Variants in RAP1GAP observed in about 807,000 individuals in gnomAD.
RAP1GAP encodes the protein rap1 GTPase-activating protein 1.
In RAP1GAP, 35 loss-of-function variants were observed where a neutral mutation model predicts 87.2. The ratio of observed to expected loss-of-function variants is 0.40; its 90% confidence interval spans 0.31 to 0.53. The LOEUF is 0.53. RAP1GAP is among the 20% of genes least tolerant of loss of function. The pLI is 0.48. For missense variants in RAP1GAP, 734 were observed against 898.9 expected, an observed-to-expected ratio of 0.82 and a Z score of 2.35; for synonymous variants, 375 against 363.9, an observed-to-expected ratio of 1.03 and a Z score of -0.35.
At chr1:21,600,757 C>T (rs1325572321) in intron 20 of RAP1GAP, among the ~76,000 whole-genome samples, 2 of 151,786 alleles carry the variant, frequency 1.3e-5, no homozygotes, top group African/African-American at 2.4e-5. Flanking sequence ...TGGTGGCGGG[C>T]ACCTGTAGTC....
chr1:21,665,591 G>T (rs1240651454), intron 1 of RAP1GAP, among the ~76,000 whole-genome samples: 14 of 152,200 alleles, frequency 9.2e-5, no homozygotes, highest in Admixed American at 9.2e-4. Flanking sequence ...CTGTTTTGGG[G>T]TGTCTCCCCA....
Position 21,613,351 on chromosome 1 carries a change from C to T in RAP1GAP, c.475-122G>A, listed in dbSNP as rs2079660632. On this transcript the variant is annotated intron_variant, in intron 9 of 24. Coordinates refer to ENST00000374765, the MANE Select transcript of RAP1GAP (RefSeq NM_002885.4). The surrounding 1 kb of genome is among the most constrained non-coding windows in gnomAD (Gnocchi z 4.7). ...ATGCTGGGAATGGCCAAGGCTAAAG[C>T]AGGACTCGGGGTTCACTGTTGCTCA... The T allele has an allele frequency of 5.3e-6, 5 of 940,774 alleles. No homozygotes were observed. Among genetic ancestry groups the T allele is most frequent in the African/African-American group, 3.2e-5 (2 of 61,786 alleles). The allele number at this position is 940,774 out of a possible 1,614,324, so 58.3% of individuals were successfully genotyped here.
At chr1:21,614,408 A>C (rs1451340939) in intron 7 of RAP1GAP, among the ~76,000 whole-genome samples, 1 of 152,218 alleles carries the variant, frequency 6.6e-6, no homozygotes, top group Non-Finnish European at 1.5e-5. Flanking sequence ...GAAGGTGGGT[A>C]GTAACGCTGG....
chr1:21,651,706 G>T, intron 1 of RAP1GAP: 2 of 733,090 alleles, frequency 2.7e-6, no homozygotes, highest in Non-Finnish European at 4.4e-6. Flanking sequence ...AGCACACCCC[G>T]CACGGGCTCC....
Position 21,649,890 on chromosome 1 carries a change from C to A in RAP1GAP, c.-148-94G>T. The A allele has an allele frequency of 3.0e-6, 4 of 1,311,698 alleles. No homozygotes were observed. In the South Asian group the frequency reaches 3.8e-5, roughly 13 times the overall value. 81.3% of individuals were successfully genotyped at this position (1,311,698 alleles called of 1,614,324 possible). On this transcript the variant is annotated intron_variant, in intron 1 of 24. Transcript: ENST00000374765. ...CACCCACCTGCACTGCACCACCCTCCCAGAGGGGCTGGAGAAGGTCCTGTT... is the reference window on the plus strand; with the variant it reads ...CACCCACCTGCACTGCACCACCCTCACAGAGGGGCTGGAGAAGGTCCTGTT...
chr1:21,644,622 G>A (rs562822807), intron 2 of RAP1GAP, among the ~76,000 whole-genome samples: 1 of 152,232 alleles, frequency 6.6e-6, no homozygotes, highest in East Asian at 1.9e-4. Context: ...GGACCTGGCC[G>A]GGCGCGGTGG....
chr1:21,618,082 G>A, intron 5 of RAP1GAP, 110 bp from the exon 6 acceptor site: 1 of 1,301,706 alleles, frequency 7.7e-7, no homozygotes, highest in East Asian at 2.3e-5. Context: ...ATGGGGCCCT[G>A]GCCTCATCAC....
At chr1:21,647,705 C>T (rs1395611573) in intron 2 of RAP1GAP, among the ~76,000 whole-genome samples, 1 of 152,196 alleles carries the variant, frequency 6.6e-6, no homozygotes, top group Non-Finnish European at 1.5e-5. Context: ...AAGTCCACAC[C>T]TGCCATGCTC....
At chr1:21,640,629 C>G (rs1012839221) in intron 2 of RAP1GAP, among the ~76,000 whole-genome samples, 22 of 152,206 alleles carry the variant, frequency 1.4e-4, no homozygotes, top group African/African-American at 2.7e-4. Flanking sequence ...GGGGCCAGTG[C>G]CTAGGCTGGC....
At chr1:21,665,093 T>C (rs2097296132) in intron 1 of RAP1GAP, 4 of 331,718 alleles carry the variant, frequency 1.2e-5, no homozygotes, top group Non-Finnish European at 2.5e-5. Flanking sequence ...AGCTGGGCAC[T>C]GCCCTCAGTG....
Position 21,652,241 on chromosome 1 carries a change from A to G in RAP1GAP, c.-148-2445T>C, listed in dbSNP as rs781780137. On this transcript the variant is annotated intron_variant, in intron 1 of 24. Coordinates refer to ENST00000374765, the MANE Select transcript of RAP1GAP (RefSeq NM_002885.4). ...TCACGAGCTGGGAGCTCCCTCCCAG[A>G]AGCCTGGGTCTGCACGGCGGGCATG... Among the ~76,000 whole-genome samples the G allele has an allele frequency of 4.9e-4, 74 of 151,846 alleles. 1 individual carries two copies. Among genetic ancestry groups the G allele is most frequent in the Non-Finnish European group, 6.3e-4 (43 of 67,954 alleles).
At chr1:21,650,624 C>T (rs1365678467) in intron 1 of RAP1GAP, among the ~76,000 whole-genome samples, 4 of 152,220 alleles carry the variant, frequency 2.6e-5, no homozygotes, top group South Asian at 4.1e-4. Context: ...GGGCTGGGGG[C>T]TCCCAGGGAC....
chr1:21,660,352 T>TATATATATATATATATATA (rs1248298305), intron 1 of RAP1GAP, among the ~76,000 whole-genome samples: 20 of 85,922 alleles, frequency 2.3e-4, no homozygotes, highest in Middle Eastern at 5.3e-3. Context: ...TATATATTTA[T>TATATATATATATATATATA]TGAGACAGTC....
chr1:21,640,125 C>T (rs1471938989), intron 2 of RAP1GAP, among the ~76,000 whole-genome samples: 3 of 144,270 alleles, frequency 2.1e-5, no homozygotes, highest in African/African-American at 5.1e-5. Context: ...GACTCCTTTC[C>T]GCTCCTCAAA....
rs751196379 is a variant in RAP1GAP at position 21,612,094 on chromosome 1, C to T, written c.544G>A (p.Val182Ile). The T allele has an allele frequency of 1.0e-5, 16 of 1,552,520 alleles. No individual in the cohort carries two copies. Among genetic ancestry groups the T allele is most frequent in the Admixed American group, 2.0e-5 (1 of 51,142 alleles). Residue 182 changes from valine (V) to isoleucine (I), a missense_variant, in exon 11 of 25, where the codon GTC (valine) becomes ATC (isoleucine). Val to Ile is a conservative substitution (Grantham distance 29). Coordinates refer to ENST00000374765, the MANE Select transcript of RAP1GAP (RefSeq NM_002885.4). ...CTGATGACATGCTCGTCAAAGGTGA[C>T]GATGAGCCGGGAAGCCTGCAGGAGA... ...VLYPKASRLI[V>I]TFDEHVISNN...
intron 13 of RAP1GAP, 25 bp from the exon 14 acceptor site, chr1:21,610,300 G>A (rs374914370): frequency 2.3e-5 from 37 of 1,613,338 alleles, no homozygotes; most frequent in South Asian, 1.9e-4. Flanking sequence ...ACGGGCCTTC[G>A]TGGTCTGGCC....
rs2096408772 is a variant in RAP1GAP, at chr1:21,649,793, C to T, written c.-145G>A. 6.4e-7 allele frequency: 1 copy of T among 1,552,164 alleles called. No homozygotes were observed. Among genetic ancestry groups the T allele is most frequent in the South Asian group, 1.2e-5 (1 of 84,060 alleles). On this transcript the variant is annotated 5_prime_UTR_variant, in exon 2 of 25. Transcript: ENST00000374765. ...TCCGGCGAGAAGTGAAGGACTTGTC[C>T]ACCCTGAAACACAACAAGAGGGGCC...
At chr1:21,601,515 G>C (rs2068495612) in intron 20 of RAP1GAP, among the ~76,000 whole-genome samples, 169 bp downstream of exon 20, 1 of 152,248 alleles carries the variant, frequency 6.6e-6, no homozygotes, top group African/African-American at 2.4e-5. Context: ...CGTGCACAAA[G>C]TGCTCGCTGG....
At chr1:21,612,231 C>T in intron 10 of RAP1GAP, 122 bp from the exon 11 acceptor site, 1 of 785,172 alleles carries the variant, frequency 1.3e-6, no homozygotes, top group Middle Eastern at 3.4e-4. Flanking sequence ...ATTCTCAGAA[C>T]AAGCCTGGGA....
Sources: allele counts gnomAD v4.1 joint callset (sites outside exome capture counted in the v4.1 genomes callset), GRCh38; gene constraint gnomAD v4.1.1; non-coding constraint Gnocchi (gnomAD v3.1); transcripts MANE v1.5; gene names NCBI Gene and HGNC (gene_info 2026-07-23, HGNC 2026-07-21).